RAPH1: variants seen among roughly 807,000 people sequenced by gnomAD.
RAPH1 encodes the protein Ras association (RalGDS/AF-6) and pleckstrin homology domains 1.
Under a neutral mutation model 88.1 loss-of-function variants are expected in RAPH1, and 18 were observed. That is an observed-to-expected ratio of 0.20 (90% confidence interval 0.14 to 0.30). RAPH1 has a LOEUF of 0.30. RAPH1 is among the 10% of genes least tolerant of loss of function. The pLI is 1.00. For missense variants in RAPH1, 1,448 were observed against 1,543.2 expected, an observed-to-expected ratio of 0.94 and a Z score of 1.03; for synonymous variants, 587 against 559.0, an observed-to-expected ratio of 1.05 and a Z score of -0.71.
chr2:203,489,891 C>G lies in RAPH1; in HGVS notation c.425G>C (p.Arg142Thr). ...TLKGLSSSSN[R>T]IAKPSHASYS... is the part of the protein sequence containing the mutation. The stretch of plus-strand genomic sequence containing the variant: ...GCTGGCATGGGAAGGTTTAGCTATC[C>G]TATTAGATGAAGAAGATAATCCTTT... The change falls in exon 4 of 14, where the codon AGG (arginine) becomes ACG (threonine). Residue 142 changes from arginine to threonine, a missense_variant. Physicochemically the swap from Arg to Thr is moderately conservative, Grantham distance 71. Around this residue, in one of 2 missense-constraint regions of RAPH1, gnomAD observed 513 missense variants for 653.1 expected, o/e 0.79. Coordinates refer to ENST00000319170, the MANE Select transcript of RAPH1 (RefSeq NM_213589.3). 6.2e-7 allele frequency: 1 copy of G among 1,614,196 alleles called. No individual in the cohort carries two copies. The highest frequency in any genetic ancestry group is 8.5e-7 in the Non-Finnish European group (1 of 1,180,032).
At position 203,489,566 on chromosome 2, in the gene RAPH1, A is replaced by G; in HGVS notation, c.732+18T>C. 1.4e-6 allele frequency: 2 copies of G among 1,440,884 alleles called. No homozygotes were observed. Among genetic ancestry groups the G allele is most frequent in the Non-Finnish European group, 1.8e-6 (2 of 1,088,668 alleles). 89.3% of individuals were successfully genotyped at this position (1,440,884 alleles called of 1,614,324 possible). Reference sequence around the variant, plus strand: ...ATTTTAATAACAAAATACCAGGGAAAAAGTTCCATTTATTTACCTCAGTAA... The same window carrying G: ...ATTTTAATAACAAAATACCAGGGAAGAAGTTCCATTTATTTACCTCAGTAA... On this transcript the variant is annotated intron_variant, in intron 4 of 13. Transcript: ENST00000319170.
At chr2:203,501,659 TA>T (rs530471487) in intron 1 of RAPH1, among the ~76,000 whole-genome samples, 77 of 148,338 alleles carry the variant, frequency 5.2e-4, no homozygotes, top group African/African-American at 1.5e-3. Context: ...GTAGATGAGT[TA>T]AAAAAAAAAG....
rs1203805992 is a variant in RAPH1, at chr2:203,433,803, A to C, written c.*5634T>G. 6.6e-6 allele frequency: 1 copy of C among 152,466 alleles called. No individual in the cohort carries two copies. The highest frequency in any genetic ancestry group is 1.9e-4 in the East Asian group (1 of 5,200). The allele number at this position is 152,466 out of a possible 1,614,324, so 9.4% of individuals were successfully genotyped here. ...TAATGGTGCCGATCCACAAACACTC[A>C]AAGTCCCCATGTTTAAATGAAATCT... On this transcript the variant is annotated 3_prime_UTR_variant, in exon 14 of 14. Transcript: ENST00000319170.
intron 1 of RAPH1, among the ~76,000 whole-genome samples, chr2:203,515,025 C>T (rs1019448841): frequency 2.6e-5 from 4 of 152,170 alleles, no homozygotes; most frequent in African/African-American, 7.2e-5. Flanking sequence ...CCCTCCCAAT[C>T]CCCAACCCTG....
intron 1 of RAPH1, among the ~76,000 whole-genome samples, chr2:203,530,658 G>A (rs779756331): frequency 7.9e-5 from 12 of 152,300 alleles, no homozygotes; most frequent in East Asian, 1.9e-4. Flanking sequence ...TTGGGAAGCC[G>A]AGGTAGGTAG....
chr2:203,485,480 A>G (rs956630437), intron 4 of RAPH1, among the ~76,000 whole-genome samples: 2 of 151,970 alleles, frequency 1.3e-5, no homozygotes, highest in East Asian at 1.9e-4. Flanking sequence ...TTCATAGGCT[A>G]ATTTATTCAT....
intron 1 of RAPH1, among the ~76,000 whole-genome samples, chr2:203,517,423 G>A (rs1446843350): frequency 6.9e-6 from 1 of 145,426 alleles, no homozygotes; most frequent in African/African-American, 2.6e-5. Flanking sequence ...CATAGCTGGA[G>A]ACTTGAATAC....
At chr2:203,488,616 A>C (rs867658024) in intron 4 of RAPH1, among the ~76,000 whole-genome samples, 1 of 149,324 alleles carries the variant, frequency 6.7e-6, no homozygotes, top group African/African-American at 2.5e-5. Flanking sequence ...AAAAAAAAAA[A>C]AACCTGTTTA....
intron 1 of RAPH1, among the ~76,000 whole-genome samples, chr2:203,520,805 T>C (rs992427469): frequency 1.3e-5 from 2 of 152,138 alleles, no homozygotes; most frequent in Non-Finnish European, 2.9e-5. Flanking sequence ...GTAGGACATA[T>C]ATTCCTCATC....
chr2:203,523,961 G>A (rs1375227342), intron 1 of RAPH1, among the ~76,000 whole-genome samples: 5 of 152,110 alleles, frequency 3.3e-5, no homozygotes, highest in African/African-American at 9.7e-5. Flanking sequence ...CCGAGATCAC[G>A]CCACTGTACT....
intron 1 of RAPH1, among the ~76,000 whole-genome samples, chr2:203,507,984 G>A (rs1204546499): frequency 5.9e-5 from 9 of 151,598 alleles, no homozygotes; most frequent in Non-Finnish European, 1.0e-4. Flanking sequence ...AGGCTGAGGC[G>A]GGCGGATCAC....
intron 1 of RAPH1, among the ~76,000 whole-genome samples, chr2:203,512,611 C>T (rs1689398971): frequency 6.7e-6 from 1 of 149,450 alleles, no homozygotes; most frequent in Non-Finnish European, 1.5e-5. Context: ...ATATGCTAAA[C>T]ATCCCTTACC....
At chr2:203,520,168 A>G (rs1689799699) in intron 1 of RAPH1, among the ~76,000 whole-genome samples, 1 of 151,970 alleles carries the variant, frequency 6.6e-6, no homozygotes, top group Admixed American at 6.6e-5. Flanking sequence ...TCTGTACCAA[A>G]AGAAAAAAAA....
intron 1 of RAPH1, among the ~76,000 whole-genome samples, chr2:203,520,756 CAGGGGCTGGTGAGGATGTGGA>C (rs555863924): frequency 6.6e-6 from 1 of 151,926 alleles, no homozygotes; most frequent in South Asian, 2.1e-4. Context: ...GTGATAAAAC[CAGGGGCTGGTGAGGATGTGGA>C]ACAATAGGAA....
chr2:203,461,436 G>C (rs1286995034), intron 5 of RAPH1, 28 bp from the exon 6 acceptor site: 1 of 1,526,948 alleles, frequency 6.5e-7, no homozygotes, highest in Admixed American at 2.0e-5. Context: ...AAAAGTAAAT[G>C]AACACTAAAA....
At position 203,457,394 on chromosome 2, in the gene RAPH1, C is replaced by A. The variant is rs147005332; in HGVS notation, c.1158+136G>T. The A allele has an allele frequency of 1.9e-4, 146 of 749,188 alleles. No homozygotes were observed. The East Asian group carries it at 3.4e-3, about 18-fold the overall frequency. 46.4% of individuals were successfully genotyped at this position (749,188 alleles called of 1,614,324 possible). On this transcript the variant is annotated intron_variant, in intron 8 of 13. Coordinates refer to ENST00000319170, the MANE Select transcript of RAPH1 (RefSeq NM_213589.3). The stretch of plus-strand genomic sequence containing the variant: ...ACAGACAGGGTTTCACCATCTTGGG[C>A]AGGCTGGTCTTGAACTCCTGATCTT...
At position 203,439,294 on chromosome 2, in the gene RAPH1, G is replaced by GTA. The variant is rs2098501069; in HGVS notation, c.*141_*142dup. The GTA allele has an allele frequency of 1.4e-6, 1 of 694,130 alleles. No homozygotes were observed. The highest frequency in any genetic ancestry group is 2.5e-6 in the Non-Finnish European group (1 of 407,196). 43.0% of individuals were successfully genotyped at this position (694,130 alleles called of 1,614,324 possible). ...TGTACAGCTGTGTGTACATGCACGT[G>GTA]TACACACACACATACACATATAGCT... On this transcript the variant is annotated 3_prime_UTR_variant, in exon 14 of 14. Coordinates refer to ENST00000319170, the MANE Select transcript of RAPH1 (RefSeq NM_213589.3).
In RAPH1 at chr2:203,440,988, G is replaced by A. The variant is rs2098503262; in HGVS notation, c.2202C>T (p.Ala734=). 3 of 1,438,178 alleles carry A rather than the reference G, an allele frequency of 2.1e-6. No individual in the cohort carries two copies. The highest frequency in any genetic ancestry group is 2.9e-5 in the African/African-American group (2 of 67,908). 89.1% of individuals were successfully genotyped at this position (1,438,178 alleles called of 1,614,324 possible). A position where few individuals can be genotyped will look rare whatever the true frequency, so the allele number is the denominator to read the frequency against. The change falls in exon 14 of 14, where the codon GCC becomes GCT. Residue 734 remains alanine, a synonymous_variant. Coordinates refer to ENST00000319170, the MANE Select transcript of RAPH1 (RefSeq NM_213589.3). ...AMAQLKPAPC[A]PSLPQFSAPP... Reference sequence around the variant, plus strand: ...GGGCACTGAACTGTGGAAGGGATGGGGCACACGGTGCAGGCTTTAGCTGGG... The same window carrying A: ...GGGCACTGAACTGTGGAAGGGATGGAGCACACGGTGCAGGCTTTAGCTGGG...
intron 1 of RAPH1, among the ~76,000 whole-genome samples, chr2:203,509,927 T>C (rs550306504): frequency 6.6e-6 from 1 of 152,236 alleles, no homozygotes; most frequent in South Asian, 2.1e-4. Context: ...CCTTCTACCA[T>C]GATTGTATAA....
Sources: gnomAD v4.1 joint callset for allele counts (sites outside exome capture counted in the v4.1 genomes callset) on GRCh38, gnomAD v4.1.1 for gene constraint, gnomAD v4.1.1 regional missense constraint, MANE v1.5 for transcripts, NCBI Gene and HGNC (gene_info 2026-07-23, HGNC 2026-07-21) for gene names.